The following FAF1 variants were observed in gnomAD, a reference collection of about 807,000 sequenced individuals.
The protein encoded by FAF1 is FAS-associated factor 1.
In FAF1, 25 loss-of-function variants were observed where a neutral mutation model predicts 92.5. The observed-to-expected ratio is 0.27, with a 90% CI of 0.20 to 0.38. The LOEUF is 0.38. Among genes scored for constraint, FAF1 ranks in the 10% least tolerant of loss-of-function variants. The pLI is 1.00. For missense variants in FAF1, 636 were observed against 793.3 expected, an observed-to-expected ratio of 0.80 and a Z score of 2.38; for synonymous variants, 234 against 273.2, an observed-to-expected ratio of 0.86 and a Z score of 1.42.
intron 8 of FAF1, among the ~76,000 whole-genome samples, chr1:50,607,130 T>C (rs1301021467): frequency 1.3e-5 from 2 of 152,194 alleles, no homozygotes; most frequent in Non-Finnish European, 2.9e-5. Context: ...AGCCACCTTT[T>C]TTTTTCCTGT....
intron 17 of FAF1, among the ~76,000 whole-genome samples, chr1:50,477,617 T>C (rs1646654209): frequency 6.6e-6 from 1 of 152,210 alleles, no homozygotes; most frequent in Non-Finnish European, 1.5e-5. Flanking sequence ...TTTAGTAACA[T>C]TATCATATAT....
At chr1:50,698,411 C>T (rs1490873282) in intron 7 of FAF1, among the ~76,000 whole-genome samples, 1 of 152,132 alleles carries the variant, frequency 6.6e-6, no homozygotes, top group East Asian at 1.9e-4. Flanking sequence ...ATGAGGAGCA[C>T]TGTCTCTGTG....
At chr1:50,557,965 T>G (rs908175744) in intron 13 of FAF1, among the ~76,000 whole-genome samples, 10 of 152,014 alleles carry the variant, frequency 6.6e-5, no homozygotes, top group Non-Finnish European at 1.5e-4. Context: ...CAGGCTGGAG[T>G]GCAGTGGTGC....
chr1:50,619,556 C>A (rs1425753802), intron 8 of FAF1, among the ~76,000 whole-genome samples: 1 of 152,070 alleles, frequency 6.6e-6, no homozygotes, highest in Non-Finnish European at 1.5e-5. Flanking sequence ...GAATATAGGC[C>A]CCAAATCTCT....
At chr1:50,916,197 T>C (rs1356718326) in intron 1 of FAF1, among the ~76,000 whole-genome samples, 1 of 152,192 alleles carries the variant, frequency 6.6e-6, no homozygotes, top group African/African-American at 2.4e-5. Context: ...ACAGGCACCA[T>C]GCTAATTCTT....
At chr1:50,837,399 T>A (rs1172597364) in intron 2 of FAF1, among the ~76,000 whole-genome samples, 2 of 152,226 alleles carry the variant, frequency 1.3e-5, no homozygotes, top group African/African-American at 2.4e-5. Context: ...CCACTAACAA[T>A]TTTAAACTAT....
At chr1:50,952,233 G>A (rs979551423) in intron 1 of FAF1, among the ~76,000 whole-genome samples, 5 of 152,126 alleles carry the variant, frequency 3.3e-5, no homozygotes, top group African/African-American at 1.2e-4. Flanking sequence ...TCAGCCTGCC[G>A]AGTGCCTGGG....
At chr1:50,472,599 T>C (rs538231962) in intron 18 of FAF1, among the ~76,000 whole-genome samples, 5 of 152,116 alleles carry the variant, frequency 3.3e-5, no homozygotes, top group East Asian at 1.9e-4. Flanking sequence ...ATTGTTTTGG[T>C]TGGGGGCGGG....
intron 8 of FAF1, among the ~76,000 whole-genome samples, chr1:50,629,856 C>T (rs1457472407): frequency 6.6e-6 from 1 of 152,046 alleles, no homozygotes; most frequent in Non-Finnish European, 1.5e-5. Context: ...GTCAGGAGTT[C>T]AAGACCAGCC....
chr1:50,794,789 A>ATT (rs59806816), intron 3 of FAF1, among the ~76,000 whole-genome samples: 12,229 of 123,360 alleles, frequency 0.099, 685 homozygotes, highest in Non-Finnish European at 0.12. Flanking sequence ...TCACCCAGCT[A>ATT]TTTTTTTTTT....
At chr1:50,915,959 G>C (rs76452583) in intron 1 of FAF1, among the ~76,000 whole-genome samples, 46 of 152,080 alleles carry the variant, frequency 3.0e-4, no homozygotes, top group African/African-American at 1.1e-3. Flanking sequence ...ACTGACACTT[G>C]GATGTTCCCA....
At chr1:50,518,656 G>T (rs1400197511) in intron 15 of FAF1, among the ~76,000 whole-genome samples, 4 of 151,970 alleles carry the variant, frequency 2.6e-5, no homozygotes, top group South Asian at 2.1e-4. Flanking sequence ...TAGCCAGGAT[G>T]GTCTCAATCT....
intron 1 of FAF1, among the ~76,000 whole-genome samples, chr1:50,922,434 G>C (rs1310617204): frequency 7.8e-6 from 1 of 128,642 alleles, no homozygotes; most frequent in African/African-American, 3.0e-5. Flanking sequence ...ACTCCAGCCT[G>C]GGTGACAGAG....
At chr1:50,629,161 CTTT>C (rs759732173) in intron 8 of FAF1, among the ~76,000 whole-genome samples, 58 of 110,710 alleles carry the variant, frequency 5.2e-4, no homozygotes, top group African/African-American at 1.9e-3. Context: ...CAGATAGATG[CTTT>C]TTTTTTTTTT....
At chr1:50,767,765 A>T (rs1660630949) in intron 4 of FAF1, among the ~76,000 whole-genome samples, 1 of 152,194 alleles carries the variant, frequency 6.6e-6, no homozygotes, top group African/African-American at 2.4e-5. Context: ...ATTTGTCACC[A>T]CGAGACCTGC....
chr1:50,890,076 T>C (rs889722668), intron 1 of FAF1, among the ~76,000 whole-genome samples: 4 of 152,234 alleles, frequency 2.6e-5, no homozygotes, highest in African/African-American at 7.2e-5. Context: ...ATATTTAGGA[T>C]AGTTAGCTCT....
At chr1:50,686,960 C>T (rs189914419) in intron 7 of FAF1, among the ~76,000 whole-genome samples, 150 of 152,168 alleles carry the variant, frequency 9.9e-4, no homozygotes, top group African/African-American at 3.5e-3. Context: ...TCCTGAGTAG[C>T]CAGGATTACA....
chr1:50,822,774 C>CTTT (rs772097310), intron 2 of FAF1, among the ~76,000 whole-genome samples: 20 of 125,230 alleles, frequency 1.6e-4, no homozygotes, highest in Non-Finnish European at 2.2e-4. Flanking sequence ...TTCTTTCTTT[C>CTTT]TTTTTTTTTT....
chr1:50,922,674 C>T (rs146510209), intron 1 of FAF1, among the ~76,000 whole-genome samples: 61 of 150,746 alleles, frequency 4.0e-4, no homozygotes, highest in African/African-American at 1.1e-3. Flanking sequence ...CAAAATTATC[C>T]GGGTGTGTTG....
Sources: gnomAD v4.1 joint callset for allele counts (sites outside exome capture counted in the v4.1 genomes callset) on GRCh38, gnomAD v4.1.1 for gene constraint, MANE v1.5 for transcripts, NCBI Gene and HGNC (gene_info 2026-07-23, HGNC 2026-07-21) for gene names.